The following CHST9 variants were observed in gnomAD, a reference collection of about 807,000 sequenced individuals.
The protein encoded by CHST9 is carbohydrate sulfotransferase 9.
In CHST9, 41 loss-of-function variants were observed where a neutral mutation model predicts 44.4. The ratio of observed to expected loss-of-function variants is 0.92; its 90% CI spans 0.72 to 1.20. The LOEUF (loss-of-function observed/expected upper bound fraction) is 1.20. Among genes scored for constraint, CHST9 ranks in the 50% most tolerant of loss-of-function variants. The pLI is 0.00. For synonymous variants in CHST9, 171 were observed against 178.4 expected (o/e 0.96, Z 0.33); for missense variants, 504 against 516.5 (o/e 0.98, Z 0.23).
chr18:27,088,891 G>A (rs544182344), intron 2 of CHST9, among the ~76,000 whole-genome samples: 53 of 152,278 alleles, frequency 3.5e-4, no homozygotes, highest in African/African-American at 1.3e-3. Flanking sequence ...AGAATGCCCA[G>A]GTCAATGAAC....
chr18:27,015,422 C>A (rs917210223), intron 4 of CHST9, among the ~76,000 whole-genome samples: 3 of 151,122 alleles, frequency 2.0e-5, no homozygotes, highest in African/African-American at 7.3e-5. Flanking sequence ...AAAGCAAATG[C>A]TGCCTGGCCA....
intron 4 of CHST9, among the ~76,000 whole-genome samples, chr18:26,956,271 C>T (rs1239054734): frequency 6.8e-6 from 1 of 146,080 alleles, no homozygotes; most frequent in Non-Finnish European, 1.5e-5. Flanking sequence ...GAGATTGCGC[C>T]ACTGAACTCC....
intron 5 of CHST9, chr18:26,924,823 C>T (rs2055733400): frequency 6.6e-6 from 1 of 152,166 alleles, no homozygotes; most frequent in African/African-American, 2.4e-5. Context: ...TTCCAACAGA[C>T]CCTGAGGACA....
chr18:27,092,277 A>G (rs1423201067), intron 2 of CHST9, among the ~76,000 whole-genome samples: 1 of 152,014 alleles, frequency 6.6e-6, no homozygotes, highest in Non-Finnish European at 1.5e-5. Flanking sequence ...TTTCTGTGGG[A>G]TTGGTGGTGA....
At chr18:26,970,771 T>C (rs941163255) in intron 4 of CHST9, among the ~76,000 whole-genome samples, 5 of 152,150 alleles carry the variant, frequency 3.3e-5, no homozygotes, top group African/African-American at 1.2e-4. Flanking sequence ...ATAAGGAAAC[T>C]GAAGCATGGG....
intron 4 of CHST9, among the ~76,000 whole-genome samples, chr18:26,969,940 T>G (rs2056520417): frequency 6.6e-6 from 1 of 152,220 alleles, no homozygotes; most frequent in African/African-American, 2.4e-5. Flanking sequence ...AGTGTTATCA[T>G]TACATTTCTT....
intron 4 of CHST9, among the ~76,000 whole-genome samples, chr18:27,004,745 C>G (rs1284124215): frequency 6.6e-6 from 1 of 152,136 alleles, no homozygotes; most frequent in African/African-American, 2.4e-5. Flanking sequence ...AACTTTCGAT[C>G]AATTTATTTT....
chr18:26,928,891 T>C (rs756204070), intron 5 of CHST9, among the ~76,000 whole-genome samples: 3 of 152,068 alleles, frequency 2.0e-5, no homozygotes, highest in Non-Finnish European at 1.5e-5. Flanking sequence ...TGTTAAGAGA[T>C]GAATAAATAT....
chr18:27,114,378 T>G (rs1185356571), intron 2 of CHST9, among the ~76,000 whole-genome samples: 2 of 152,242 alleles, frequency 1.3e-5, no homozygotes, highest in Non-Finnish European at 2.9e-5. Context: ...TTTTAGTGTT[T>G]AATTACACCC....
At chr18:26,919,877 G>T (rs946799423) in intron 5 of CHST9, among the ~76,000 whole-genome samples, 13 of 152,066 alleles carry the variant, frequency 8.5e-5, no homozygotes, top group African/African-American at 3.1e-4. Flanking sequence ...GGTGAAACTT[G>T]ACTTCCTTGA....
chr18:27,038,778 T>C lies in CHST9; in HGVS notation c.160+9687A>G, dbSNP rs566503831. Among the ~76,000 whole-genome samples, 285 of 152,310 alleles carry C rather than the reference T, an allele frequency of 1.9e-3. 3 individuals carry two copies. The highest frequency in any genetic ancestry group is 6.3e-3 in the African/African-American group (260 of 41,580). On this transcript the variant is annotated intron_variant, in intron 3 of 5. Coordinates refer to ENST00000618847, the MANE Select transcript of CHST9 (RefSeq NM_031422.6). ...TTTCTTCAATGATTGCATCATGTAA[T>C]CTACTATTTTCTATTATAATACACA...
chr18:27,093,623 G>A (rs1404249548), intron 2 of CHST9, among the ~76,000 whole-genome samples: 1 of 152,220 alleles, frequency 6.6e-6, no homozygotes, highest in East Asian at 1.9e-4. Flanking sequence ...TTGGGCAAGA[G>A]TCTCCCGATT....
chr18:26,947,133 G>C (rs1450065294), intron 4 of CHST9, among the ~76,000 whole-genome samples: 2 of 152,124 alleles, frequency 1.3e-5, no homozygotes, highest in Admixed American at 1.3e-4. Flanking sequence ...TCACGATATT[G>C]ATTCTTCCTA....
At chr18:26,967,224 C>G (rs2056477306) in intron 4 of CHST9, among the ~76,000 whole-genome samples, 1 of 152,130 alleles carries the variant, frequency 6.6e-6, no homozygotes, top group South Asian at 2.1e-4. Flanking sequence ...ATACAAAAAT[C>G]CTTGTATATG....
intron 4 of CHST9, among the ~76,000 whole-genome samples, chr18:27,003,628 C>T (rs2056979364): frequency 6.6e-6 from 1 of 152,116 alleles, no homozygotes; most frequent in African/African-American, 2.4e-5. Context: ...ATCTGATATT[C>T]CTCACATATA....
intron 2 of CHST9, among the ~76,000 whole-genome samples, chr18:27,053,224 A>AGAAGAAGAAGAAGAAGAG (rs2057600162): frequency 2.1e-5 from 1 of 47,264 alleles, no homozygotes; most frequent in Non-Finnish European, 5.0e-5. Flanking sequence ...AAGAGGAAGA[A>AGAAGAAGAAGAAGAAGAG]GAAGAAGAAG....
In CHST9 at chr18:27,179,913, C is replaced by A. The variant is rs147340411; in HGVS notation, c.-97+5223G>T. 2.1e-4 allele frequency among the ~76,000 whole-genome samples: 32 copies of A among 152,198 alleles called. No individual in the cohort carries two copies. The East Asian group carries it at 5.4e-3, about 26-fold the overall frequency. On this transcript the variant is annotated intron_variant, in intron 1 of 5. Coordinates refer to ENST00000618847, the MANE Select transcript of CHST9 (RefSeq NM_031422.6). ...TGACAATACGGTGAGTAACCTTCAT[C>A]TCTTGAAATAGAATTAACATTAGTT...
At chr18:27,024,248 CAT>C in intron 3 of CHST9, 91 bp from the exon 4 acceptor site, 1 of 985,554 alleles carries the variant, frequency 1.0e-6, no homozygotes, top group Non-Finnish European at 1.5e-6. Context: ...CAAAGCCTCT[CAT>C]ATTTTATTTG....
chr18:27,110,983 T>C (rs1385276237), intron 2 of CHST9, among the ~76,000 whole-genome samples: 1 of 152,256 alleles, frequency 6.6e-6, no homozygotes, highest in Non-Finnish European at 1.5e-5. Flanking sequence ...AGTTCAGTTT[T>C]GACTTCCACT....
Sources: gnomAD v4.1 joint callset for allele counts (sites outside exome capture counted in the v4.1 genomes callset) on GRCh38, gnomAD v4.1.1 for gene constraint, MANE v1.5 for transcripts, NCBI Gene and HGNC (gene_info 2026-07-23, HGNC 2026-07-21) for gene names.